Variants in QKI observed in about 807,000 individuals in gnomAD.
QKI encodes QKI, KH domain containing RNA binding, also known as KH domain-containing RNA-binding protein QKI.
In QKI, 10 loss-of-function variants were observed where a neutral mutation model predicts 39.0. The observed-to-expected ratio is 0.26, with a 90% confidence interval of 0.16 to 0.43. The LOEUF (loss-of-function observed/expected upper bound fraction) is 0.43. QKI is among the 20% of genes least tolerant of loss of function. The pLI, the probability that QKI is intolerant of heterozygous loss-of-function variation, is 1.00. For missense variants in QKI, 218 were observed against 428.0 expected (o/e 0.51, Z 4.33); for synonymous variants, 204 against 155.4 (o/e 1.31, Z -2.33).
intron 7 of QKI, chr6:163,569,357 C>T: frequency 8.2e-7 from 1 of 1,218,670 alleles, no homozygotes; most frequent in Non-Finnish European, 1.0e-6. Flanking sequence ...AACATTACAC[C>T]TTCTGGGCTT....
At chr6:163,567,534 G>T in intron 7 of QKI, 1 of 984,380 alleles carries the variant, frequency 1.0e-6, no homozygotes, top group Non-Finnish European at 1.2e-6. Context: ...TATAATTTTT[G>T]ACTAACCTGT....
At chr6:163,501,632 T>C (rs1703725140) in intron 3 of QKI, among the ~76,000 whole-genome samples, 1 of 152,190 alleles carries the variant, frequency 6.6e-6, no homozygotes, top group East Asian at 1.9e-4. Context: ...AATAAAGAAA[T>C]GAATGTGACC....
intron 7 of QKI, 87 bp from the exon 8 acceptor site, chr6:163,570,607 T>A (rs1182075698): frequency 7.0e-6 from 11 of 1,579,634 alleles, no homozygotes; most frequent in Non-Finnish European, 9.4e-6. Flanking sequence ...CATGTTGTCA[T>A]TAAGCCGTCA....
In QKI at chr6:163,543,736, A is replaced by G. The variant is rs1031420062; in HGVS notation, c.546+8611A>G. The stretch of plus-strand genomic sequence containing the variant: ...ATTCTTAATGAGAATGAGTTGATCC[A>G]TGTTCCCATGCAGGCCATCAGCTTA... On this transcript the variant is annotated intron_variant, in intron 4 of 7. Coordinates refer to ENST00000361752, the MANE Select transcript of QKI (RefSeq NM_006775.3). 1.3e-5 allele frequency among the ~76,000 whole-genome samples: 2 copies of G among 152,052 alleles called. 1 individual carries two copies. Among genetic ancestry groups the G allele is most frequent in the South Asian group, 4.1e-4 (2 of 4,832 alleles).
At chr6:163,489,417 AGTT>A (rs1282805313) in intron 3 of QKI, among the ~76,000 whole-genome samples, 1 of 97,636 alleles carries the variant, frequency 1.0e-5, no homozygotes, top group African/African-American at 3.5e-5. Flanking sequence ...CTTTCAAAGA[AGTT>A]ATGCTGTGTG....
intron 3 of QKI, among the ~76,000 whole-genome samples, chr6:163,493,107 T>TA (rs1479094117): frequency 6.6e-6 from 1 of 151,270 alleles, no homozygotes; most frequent in East Asian, 2.0e-4. Context: ...TTAAGTATAT[T>TA]ACGTACTAAA....
intron 2 of QKI, among the ~76,000 whole-genome samples, chr6:163,467,202 G>A (rs1791831245): frequency 6.6e-6 from 1 of 152,228 alleles, no homozygotes; most frequent in African/African-American, 2.4e-5. Context: ...CACAGTAGCT[G>A]TGTGGGTGAT....
intron 4 of QKI, among the ~76,000 whole-genome samples, chr6:163,543,319 G>A (rs931966694): frequency 6.6e-6 from 1 of 151,992 alleles, no homozygotes; most frequent in African/African-American, 2.4e-5. Flanking sequence ...GACATCTAGA[G>A]GTAATGTACT....
rs1583175620 is a variant in QKI at position 163,533,345 on chromosome 6, G to A, written c.403-1637G>A. ...GACTCCTTGGTTTCCCACTTAGTTTGCATGGTGTACCCTAGTCAAAAAGAA... is the reference window on the plus strand; with the variant it reads ...GACTCCTTGGTTTCCCACTTAGTTTACATGGTGTACCCTAGTCAAAAAGAA... On this transcript the variant is annotated intron_variant, in intron 3 of 7. Transcript: ENST00000361752. 7.9e-5 allele frequency among the ~76,000 whole-genome samples: 12 copies of A among 152,192 alleles called. 4 individuals are homozygous for A. Among genetic ancestry groups the A allele is most frequent in the Admixed American group, 7.8e-4 (12 of 15,300 alleles).
chr6:163,529,941 G>A (rs907116369), intron 3 of QKI, among the ~76,000 whole-genome samples: 1 of 152,214 alleles, frequency 6.6e-6, no homozygotes, highest in Non-Finnish European at 1.5e-5. Context: ...CTGCTTTAGA[G>A]ATTGAAGTAT....
chr6:163,575,245 T>G lies in QKI; in HGVS notation c.*4535T>G, dbSNP rs1240524457. ...TGTAACTTAAATTGATGAATTTCTA[T>G]GCAATTTACTATTCTCTGAAGCCTA... On this transcript the variant is annotated 3_prime_UTR_variant, in exon 8 of 8. Coordinates refer to ENST00000361752, the MANE Select transcript of QKI (RefSeq NM_006775.3). The G allele has an allele frequency of 2.0e-5, 3 of 152,236 alleles. No individual in the cohort carries two copies. The highest frequency in any genetic ancestry group is 4.4e-5 in the Non-Finnish European group (3 of 68,040). The allele number at this position is 152,236 out of a possible 1,614,324, so 9.4% of individuals were successfully genotyped here.
intron 3 of QKI, among the ~76,000 whole-genome samples, chr6:163,489,894 C>T (rs760531993): frequency 3.3e-5 from 5 of 152,046 alleles, no homozygotes; most frequent in Non-Finnish European, 7.4e-5. Context: ...GAAAGGTGTA[C>T]CCTGTGAGAA....
In QKI at chr6:163,531,501, T is replaced by C. The variant is rs114368854; in HGVS notation, c.403-3481T>C. 5.7e-3 allele frequency among the ~76,000 whole-genome samples: 864 copies of C among 152,274 alleles called. 11 individuals are homozygous for C. Among genetic ancestry groups the C allele is most frequent in the African/African-American group, 0.019 (803 of 41,534 alleles). On this transcript the variant is annotated intron_variant, in intron 3 of 7. Transcript: ENST00000361752. ...GCAATCTCAGCCCCACCCTCACCCC[T>C]GTTTTCACTGCTGCCCATTTCCTCA... is the stretch of plus-strand genomic sequence containing the variant.
chr6:163,444,967 G>A (rs1024134566), intron 1 of QKI, among the ~76,000 whole-genome samples: 1 of 151,842 alleles, frequency 6.6e-6, no homozygotes, highest in Non-Finnish European at 1.5e-5. Context: ...CGAGTGCAGC[G>A]GAGTGATCAT....
chr6:163,524,883 C>A (rs1004125707), intron 3 of QKI, among the ~76,000 whole-genome samples: 3 of 152,068 alleles, frequency 2.0e-5, no homozygotes, highest in Admixed American at 6.6e-5. Context: ...CATGTGCTAT[C>A]CGAACACTAA....
At chr6:163,439,714 G>A (rs1387839263) in intron 1 of QKI, among the ~76,000 whole-genome samples, 2 of 148,280 alleles carry the variant, frequency 1.3e-5, no homozygotes, top group Admixed American at 6.7e-5. Flanking sequence ...GGAGTACAGT[G>A]GCTTGGCTCA....
intron 1 of QKI, among the ~76,000 whole-genome samples, chr6:163,418,357 C>A (rs1055898446): frequency 3.9e-5 from 6 of 152,188 alleles, no homozygotes; most frequent in Admixed American, 3.9e-4. Flanking sequence ...ATTAAGTGTG[C>A]TGGTTTTCCC....
chr6:163,500,723 T>C (rs1778706099), intron 3 of QKI, among the ~76,000 whole-genome samples: 1 of 152,106 alleles, frequency 6.6e-6, no homozygotes, highest in Non-Finnish European at 1.5e-5. Context: ...AATTACAGAA[T>C]AGAGAAAAAA....
intron 3 of QKI, among the ~76,000 whole-genome samples, chr6:163,506,509 T>TA (rs1244825666): frequency 1.3e-4 from 20 of 152,182 alleles, no homozygotes; most frequent in Admixed American, 1.3e-3. Context: ...CTGGAAAATC[T>TA]CCCAAGCACC....
Sources: allele counts gnomAD v4.1 joint callset (sites outside exome capture counted in the v4.1 genomes callset), GRCh38; gene constraint gnomAD v4.1.1; transcripts MANE v1.5; gene names NCBI Gene and HGNC (gene_info 2026-07-23, HGNC 2026-07-21).